SYNE1: variants seen among roughly 807,000 people sequenced by gnomAD.
SYNE1 encodes the protein spectrin repeat containing nuclear envelope protein 1.
SYNE1 carries 616 observed loss-of-function variants against 1,111.0 expected under a neutral mutation model. The ratio of observed to expected loss-of-function variants is 0.55; its 90% CI spans 0.52 to 0.59. The LOEUF is 0.59. Among genes scored for constraint, SYNE1 ranks in the 20% least tolerant of loss-of-function variants. SYNE1 has a pLI of 0.00. For missense variants in SYNE1, 10,006 were observed against 10,417.0 expected (o/e 0.96, Z 1.72); for synonymous variants, 3,855 against 3,825.8 (o/e 1.01, Z -0.28).
intron 3 of SYNE1, among the ~76,000 whole-genome samples, chr6:152,565,188 C>T (rs1460502592): frequency 6.6e-6 from 1 of 152,136 alleles, no homozygotes; most frequent in Non-Finnish European, 1.5e-5. Flanking sequence ...CTTTTGCCTC[C>T]ACTAGCTTCA....
Position 152,242,258 on chromosome 6 carries a change from T to C in SYNE1, c.19875A>G (p.Gln6625=), listed in dbSNP as rs752250301. The change falls in exon 107 of 146, where the codon CAA becomes CAG. Residue 6625 remains glutamine (Q), a synonymous_variant. Transcript: ENST00000367255. ...IIVSSKEEIQ[Q]LLDKHKEYFQ... Reference sequence around the variant, plus strand: ...TATGTACCTTATGTTTGTCAAGTAGTTGCTGGATTTCCTCTTTGGAAGACA... The same window carrying C: ...TATGTACCTTATGTTTGTCAAGTAGCTGCTGGATTTCCTCTTTGGAAGACA... The C allele has an allele frequency of 6.2e-7, 1 of 1,614,118 alleles. No individual in the cohort carries two copies. The highest frequency in any genetic ancestry group is 8.5e-7 in the Non-Finnish European group (1 of 1,180,010).
chr6:152,178,682 C>T (rs921822317), intron 129 of SYNE1, among the ~76,000 whole-genome samples: 3 of 152,150 alleles, frequency 2.0e-5, no homozygotes, highest in African/African-American at 7.2e-5. Context: ...AAGTTAGGCA[C>T]TGTTTCAGGT....
chr6:152,218,250 C>T lies in SYNE1; in HGVS notation c.22191+7G>A, dbSNP rs752771774. 8.1e-6 allele frequency: 13 copies of T among 1,613,708 alleles called. No homozygotes were observed. The highest frequency in any genetic ancestry group is 1.7e-5 in the Admixed American group (1 of 59,986). On this transcript the variant is annotated splice_region_variant and intron_variant, in intron 121 of 145. Coordinates refer to ENST00000367255, the MANE Select transcript of SYNE1 (RefSeq NM_182961.4). ...AAGATCTGGGACTCAGATTTGAACA[C>T]ACTTACCTTAAGTTCTTCCATCCTT...
At chr6:152,312,536 A>G (rs933823145) in intron 87 of SYNE1, among the ~76,000 whole-genome samples, 6 of 149,306 alleles carry the variant, frequency 4.0e-5, no homozygotes, top group African/African-American at 1.5e-4. Context: ...TTTTTAACAC[A>G]TAAATATATA....
At position 152,346,948 on chromosome 6, in the gene SYNE1, C is replaced by A; in HGVS notation, c.12078+111G>T. On this transcript the variant is annotated intron_variant, in intron 73 of 145. Transcript: ENST00000367255. ...CTCGTATTTCCTGTCTGGCAACACA[C>A]CAAAACGAATCCAAAGATTTGAGCA... 2.2e-6 allele frequency: 3 copies of A among 1,360,970 alleles called. No homozygotes were observed. The South Asian group carries it at 4.2e-5, about 19-fold the overall frequency. The allele number at this position is 1,360,970 out of a possible 1,614,324, so 84.3% of individuals were successfully genotyped here.
intron 115 of SYNE1, among the ~76,000 whole-genome samples, chr6:152,226,816 G>A (rs912579152): frequency 3.9e-5 from 6 of 152,246 alleles, no homozygotes; most frequent in East Asian, 1.9e-4. Flanking sequence ...AGAAGGAGTC[G>A]GCTGAACCTC....
chr6:152,453,835 A>T (rs1435805480), intron 24 of SYNE1, 115 bp from the exon 25 acceptor site: 12 of 1,307,158 alleles, frequency 9.2e-6, no homozygotes, highest in Non-Finnish European at 1.3e-5. Context: ...GCCCTCTTGC[A>T]GACTTCCAGG....
At chr6:152,395,451 C>A (rs2154140797) in intron 51 of SYNE1, 65 bp downstream of exon 51, 1 of 1,557,146 alleles carries the variant, frequency 6.4e-7, no homozygotes, top group Admixed American at 1.9e-5. Flanking sequence ...ACCAAACCAA[C>A]CAACCAACCA....
At chr6:152,483,059 C>A (rs1353196425) in intron 14 of SYNE1, 26 bp downstream of exon 14, 29 of 1,614,002 alleles carry the variant, frequency 1.8e-5, no homozygotes, top group Non-Finnish European at 2.5e-5. Flanking sequence ...TGTTATGCTG[C>A]AAGGTTTTCC....
At chr6:152,454,004 A>G (rs1382312493) in intron 24 of SYNE1, among the ~76,000 whole-genome samples, 2 of 152,232 alleles carry the variant, frequency 1.3e-5, no homozygotes, top group African/African-American at 2.4e-5. Flanking sequence ...CTCATCTTCC[A>G]AGGGGAGATG....
intron 75 of SYNE1, among the ~76,000 whole-genome samples, chr6:152,337,734 C>T (rs1043017556): frequency 1.3e-5 from 2 of 152,230 alleles, no homozygotes; most frequent in African/African-American, 4.8e-5. Flanking sequence ...CTCTGTTGCA[C>T]ATTTGTTCAT....
chr6:152,259,490 C>G (rs1324455), intron 101 of SYNE1, among the ~76,000 whole-genome samples: 118,892 of 152,104 alleles, frequency 0.78, 47,344 homozygotes, highest in African/African-American at 0.91. Flanking sequence ...ACATATGAAA[C>G]TAGTAAGTAT....
In SYNE1 at chr6:152,214,756, C is replaced by T. The variant is rs1018897284; in HGVS notation, c.22346+150G>A. The T allele has an allele frequency of 9.4e-6, 10 of 1,065,772 alleles. No individual in the cohort carries two copies. The African/African-American group carries it at 1.3e-4, about 13-fold the overall frequency. 66.0% of individuals were successfully genotyped at this position (1,065,772 alleles called of 1,614,324 possible). On this transcript the variant is annotated intron_variant, in intron 122 of 145. Coordinates refer to ENST00000367255, the MANE Select transcript of SYNE1 (RefSeq NM_182961.4). ...CACCAGACAACTGAATCTGCTAGCA[C>T]CTTGACTGCGGACTTCCCAGTCTCC...
At chr6:152,509,692 T>C (rs2099075431) in intron 8 of SYNE1, among the ~76,000 whole-genome samples, 2 of 151,964 alleles carry the variant, frequency 1.3e-5, no homozygotes, top group South Asian at 4.1e-4. Flanking sequence ...ATCTACACTC[T>C]AGATAAAAAA....
chr6:152,231,071 T>C (rs1217036080), intron 114 of SYNE1, among the ~76,000 whole-genome samples: 1 of 152,188 alleles, frequency 6.6e-6, no homozygotes, highest in African/African-American at 2.4e-5. Flanking sequence ...ATTTAATAAA[T>C]GAATTTCATA....
At chr6:152,570,092 G>C (rs545888913) in intron 3 of SYNE1, among the ~76,000 whole-genome samples, 1 of 152,284 alleles carries the variant, frequency 6.6e-6, no homozygotes, top group African/African-American at 2.4e-5. Context: ...GACCCTGTGT[G>C]ACAACTCTGC....
In SYNE1 at chr6:152,330,009, C is replaced by T; in HGVS notation, c.14676G>A (p.Glu4892=). The stretch of plus-strand genomic sequence containing the variant: ...TCAGCCAGTCCAGGGAGCGACTCAT[C>T]TCAGTCTGGAAGTCTATACTCTGCA... ...RMVQSIDFQT[E]MSRSLDWLRR... Residue 4892 remains glutamate (E), a synonymous_variant, in exon 78 of 146, where the codon GAG becomes GAA. Coordinates refer to ENST00000367255, the MANE Select transcript of SYNE1 (RefSeq NM_182961.4). The T allele has an allele frequency of 6.2e-7, 1 of 1,614,220 alleles. No homozygotes were observed. The highest frequency in any genetic ancestry group is 8.5e-7 in the Non-Finnish European group (1 of 1,180,044).
At chr6:152,165,893 A>G (rs1226439405) in intron 130 of SYNE1, among the ~76,000 whole-genome samples, 1 of 152,228 alleles carries the variant, frequency 6.6e-6, no homozygotes, top group Non-Finnish European at 1.5e-5. Flanking sequence ...CAGCATGGAC[A>G]TGGAATTTTA....
chr6:152,353,660 C>A lies in SYNE1; in HGVS notation c.11011G>T (p.Val3671Leu), dbSNP rs567753957. Residue 3671 changes from valine (V) to leucine (L), a missense_variant, in exon 68 of 146, where the codon GTG becomes TTG. Coordinates refer to ENST00000367255, the MANE Select transcript of SYNE1 (RefSeq NM_182961.4). Reference sequence around the variant, plus strand: ...GCCTGGCAACCCATTCTGCTGTTCACGTGGCTCTCGTCCAGTATCTCCTGA... The same window carrying A: ...GCCTGGCAACCCATTCTGCTGTTCAAGTGGCTCTCGTCCAGTATCTCCTGA... ...RAQEILDESH[V>L]NSRMGCQATQ... 2 of 1,614,106 alleles carry A rather than the reference C, an allele frequency of 1.2e-6. No homozygotes were observed. Among genetic ancestry groups the A allele is most frequent in the African/African-American group, 1.3e-5 (1 of 74,932 alleles).
Sources: allele counts gnomAD v4.1 joint callset (sites outside exome capture counted in the v4.1 genomes callset), GRCh38; gene constraint gnomAD v4.1.1; transcripts MANE v1.5; gene names NCBI Gene and HGNC (gene_info 2026-07-23, HGNC 2026-07-21).